Variants in HYDIN observed in about 807,000 individuals in gnomAD.
HYDIN encodes axonemal central pair apparatus protein HYDIN.
A neutral mutation model predicts 403.9 loss-of-function variants in HYDIN; 132 were observed. The ratio of observed to expected loss-of-function variants is 0.33; its 90% CI spans 0.28 to 0.38. The LOEUF is 0.38. Ranked by LOEUF, HYDIN falls within the 10% of genes least tolerant of loss-of-function variation. The pLI is 1.00. For missense variants in HYDIN, 2,827 were observed against 5,009.5 expected (o/e 0.56, Z 13.15); for synonymous variants, 1,202 against 1,891.7 (o/e 0.64, Z 9.46).
chr16:70,953,475 C>T (rs1011760196), intron 40 of HYDIN, among the ~76,000 whole-genome samples: 1 of 152,126 alleles, frequency 6.6e-6, no homozygotes, highest in Non-Finnish European at 1.5e-5. Flanking sequence ...TCGCTTCTCC[C>T]TTTCCTAAGG....
intron 19 of HYDIN, among the ~76,000 whole-genome samples, chr16:71,029,740 T>C (rs537365688): frequency 8.7e-4 from 131 of 150,948 alleles, no homozygotes; most frequent in African/African-American, 3.1e-3. Flanking sequence ...CTTAATTTTC[T>C]ACTAGTTTAT....
At chr16:71,132,642 G>T in intron 8 of HYDIN, 1 of 134,018 alleles carries the variant, frequency 7.5e-6, no homozygotes, top group Admixed American at 7.6e-5. Context: ...TCCATGGACT[G>T]AGGAGTATGA....
chr16:70,868,154 ATTG>A (rs1478250018), intron 66 of HYDIN, among the ~76,000 whole-genome samples: 3 of 150,640 alleles, frequency 2.0e-5, no homozygotes, highest in Non-Finnish European at 4.4e-5. Context: ...TGTGTATTAT[ATTG>A]TTTTTAAAAA....
chr16:70,945,417 T>TA (rs2077822309), intron 41 of HYDIN, among the ~76,000 whole-genome samples: 2 of 152,218 alleles, frequency 1.3e-5, no homozygotes, highest in Non-Finnish European at 2.9e-5. Flanking sequence ...GAGATGCCTC[T>TA]AAGCCCTTCG....
chr16:71,098,756 AGG>A (rs2083365452), intron 10 of HYDIN, among the ~76,000 whole-genome samples: 104 of 146,186 alleles, frequency 7.1e-4, no homozygotes, highest in African/African-American at 2.5e-3. Flanking sequence ...AAAAAAAAAA[AGG>A]AGATGTGTTG....
At chr16:70,979,605 T>A (rs1002485825) in intron 29 of HYDIN, among the ~76,000 whole-genome samples, 1 of 152,194 alleles carries the variant, frequency 6.6e-6, no homozygotes, top group Non-Finnish European at 1.5e-5. Flanking sequence ...ATTCAAATCC[T>A]TTGAAAGGCA....
rs1229474085 is a variant in HYDIN, at chr16:70,804,804, TG to T, written c.*2775del. ...GTGTGCTGCAACCTGGGTTCGTTTT[TG>T]TTTCTCCCCCTCCCTTCTCCCTGAT... On this transcript the variant is annotated 3_prime_UTR_variant, in exon 86 of 86. Coordinates refer to ENST00000393567, the MANE Select transcript of HYDIN (RefSeq NM_001270974.2). Among the ~76,000 whole-genome samples, 1 of 152,166 alleles carries T rather than the reference TG, an allele frequency of 6.6e-6. No individual in the cohort carries two copies. Among genetic ancestry groups the T allele is most frequent in the Non-Finnish European group, 1.5e-5 (1 of 68,030 alleles).
At chr16:71,203,681 T>C in intron 1 of HYDIN, 2 of 454,270 alleles carry the variant, frequency 4.4e-6, no homozygotes, top group African/African-American at 2.0e-5. Flanking sequence ...ACACAAATTA[T>C]TCTATTCTTA....
chr16:71,181,798 A>G (rs1402748602), intron 3 of HYDIN, among the ~76,000 whole-genome samples: 1 of 152,178 alleles, frequency 6.6e-6, no homozygotes, highest in Non-Finnish European at 1.5e-5. Flanking sequence ...TAGTGAACAA[A>G]GCCAAAAAAA....
At chr16:71,161,918 T>C (rs1597915243) in intron 6 of HYDIN, among the ~76,000 whole-genome samples, 2 of 149,120 alleles carry the variant, frequency 1.3e-5, no homozygotes, top group Admixed American at 6.7e-5. Flanking sequence ...GCAGTTTCTG[T>C]TGATTATCCC....
intron 66 of HYDIN, among the ~76,000 whole-genome samples, chr16:70,867,135 A>G (rs1195492097): frequency 2.0e-5 from 3 of 148,790 alleles, no homozygotes; most frequent in Admixed American, 6.7e-5. Flanking sequence ...CACACAAAAT[A>G]TAAGTATCAT....
intron 1 of HYDIN, among the ~76,000 whole-genome samples, chr16:71,222,464 T>A (rs544510858): frequency 6.6e-6 from 1 of 152,144 alleles, no homozygotes; most frequent in South Asian, 2.1e-4. Flanking sequence ...TTATTTGACA[T>A]AATACTGGAA....
chr16:70,856,667 A>C (rs2039044644), intron 72 of HYDIN, among the ~76,000 whole-genome samples: 1 of 152,222 alleles, frequency 6.6e-6, no homozygotes, highest in African/African-American at 2.4e-5. Context: ...GATTATATTG[A>C]AACGTACCAC....
chr16:71,120,408 G>A (rs200993527), intron 9 of HYDIN, among the ~76,000 whole-genome samples: 1 of 137,452 alleles, frequency 7.3e-6, no homozygotes, highest in South Asian at 2.6e-4. Context: ...CTCTGGACAC[G>A]GAGTTTCATG....
In HYDIN at chr16:70,863,140, G is replaced by T; in HGVS notation, c.11514C>A (p.Ser3838Arg). 2.5e-6 allele frequency: 4 copies of T among 1,614,088 alleles called. No homozygotes were observed. The highest frequency in any genetic ancestry group is 3.4e-6 in the Non-Finnish European group (4 of 1,179,986). The change falls in exon 68 of 86, where the codon AGC (serine) becomes AGA (arginine). Residue 3838 changes from serine (S) to arginine (R), a missense_variant. By Grantham distance (110) the Ser-to-Arg change is moderately radical. Transcript: ENST00000393567. ...CCTTTGAGGTATCTTCTGAGACCCAGCTGAATTCCAGCTGGACACGTCCTG... is the reference window on the plus strand; with the variant it reads ...CCTTTGAGGTATCTTCTGAGACCCATCTGAATTCCAGCTGGACACGTCCTG... ...INSGRVQLEF[S>R]WVSEDTSKAV...
chr16:71,219,974 G>A (rs748147114), intron 1 of HYDIN, among the ~76,000 whole-genome samples: 1 of 152,092 alleles, frequency 6.6e-6, no homozygotes, highest in Non-Finnish European at 1.5e-5. Context: ...AGCGTATTTC[G>A]GTCCATTGCG....
At chr16:71,100,598 G>A (rs1386150214) in intron 10 of HYDIN, among the ~76,000 whole-genome samples, 3 of 152,346 alleles carry the variant, frequency 2.0e-5, no homozygotes, top group Admixed American at 6.5e-5. Context: ...ACAAATACAT[G>A]TGAATTTGAT....
chr16:70,938,735 G>A lies in HYDIN; in HGVS notation c.6874C>T (p.Leu2292Phe), dbSNP rs748761994. Residue 2292 changes from leucine (L) to phenylalanine (F), a missense_variant, in exon 44 of 86, where the codon CTT (leucine) becomes TTT (phenylalanine). Leu to Phe is a conservative substitution (Grantham distance 22). Coordinates refer to ENST00000393567, the MANE Select transcript of HYDIN (RefSeq NM_001270974.2). ...EQEERKHKGA[L>F]EKEKERLQNM... ...TGGAGACGCTCCTTCTCTTTCTCAA[G>A]AGCTCCCTTGTGCTTGCGTTCTGTG... The A allele has an allele frequency of 3.7e-6, 6 of 1,614,052 alleles. No homozygotes were observed. The Admixed American group carries it at 6.7e-5, about 18-fold the overall frequency.
chr16:71,159,786 A>G (rs997129907), intron 6 of HYDIN, among the ~76,000 whole-genome samples: 1 of 152,148 alleles, frequency 6.6e-6, no homozygotes, highest in African/African-American at 2.4e-5. Context: ...AAAAATATAT[A>G]TATAATTGTT....
Sources: gnomAD v4.1 joint callset for allele counts (sites outside exome capture counted in the v4.1 genomes callset) on GRCh38, gnomAD v4.1.1 for gene constraint, MANE v1.5 for transcripts, NCBI Gene and HGNC (gene_info 2026-07-23, HGNC 2026-07-21) for gene names.